The following UNC5D variants were observed in gnomAD, a reference collection of about 807,000 sequenced individuals.
UNC5D encodes the protein netrin receptor UNC5D.
In UNC5D, 39 loss-of-function variants were observed where a neutral mutation model predicts 105.4. That is an observed-to-expected ratio of 0.37 (90% confidence interval 0.29 to 0.48). The LOEUF is 0.48. UNC5D is among the 20% of genes least tolerant of loss of function. The probability of loss-of-function intolerance (pLI) is 0.98; values close to 1 mark genes in which losing one functional copy is unlikely to be tolerated. For missense variants in UNC5D, 991 were observed against 1,202.4 expected, an observed-to-expected ratio of 0.82 and a Z score of 2.60; for synonymous variants, 452 against 450.4, an observed-to-expected ratio of 1.00 and a Z score of -0.04.
At chr8:35,689,895 A>C (rs1826269924) in intron 7 of UNC5D, among the ~76,000 whole-genome samples, 1 of 152,228 alleles carries the variant, frequency 6.6e-6, no homozygotes, top group African/African-American at 2.4e-5. Context: ...AAGTTGGCAC[A>C]TAAAATTAAC....
intron 11 of UNC5D, among the ~76,000 whole-genome samples, chr8:35,739,329 T>C (rs1461353994): frequency 1.3e-5 from 2 of 152,118 alleles, no homozygotes; most frequent in East Asian, 1.9e-4. Context: ...GAGGAAGAGA[T>C]AGAAAAGGGG....
At chr8:35,510,924 T>C (rs534165888) in intron 1 of UNC5D, among the ~76,000 whole-genome samples, 1 of 152,280 alleles carries the variant, frequency 6.6e-6, no homozygotes, top group African/African-American at 2.4e-5. Context: ...ACAGTAAAAT[T>C]TACTAATTTG....
At chr8:35,352,936 G>C (rs1039330983) in intron 1 of UNC5D, among the ~76,000 whole-genome samples, 4 of 152,034 alleles carry the variant, frequency 2.6e-5, no homozygotes, top group African/African-American at 9.7e-5. Context: ...CTTAATAATG[G>C]CACCTGACCG....
intron 1 of UNC5D, among the ~76,000 whole-genome samples, chr8:35,535,086 C>T (rs971830310): frequency 2.0e-5 from 3 of 152,036 alleles, no homozygotes; most frequent in Admixed American, 2.0e-4. Context: ...AGGTCATTAC[C>T]CATCTCCTGA....
At chr8:35,579,010 C>A (rs1313424820) in intron 3 of UNC5D, among the ~76,000 whole-genome samples, 1 of 152,140 alleles carries the variant, frequency 6.6e-6, no homozygotes, top group Non-Finnish European at 1.5e-5. Context: ...GTGAAATTCA[C>A]CTTAAAAGTT....
intron 12 of UNC5D, among the ~76,000 whole-genome samples, chr8:35,749,087 C>G (rs116009373): frequency 0.038 from 5,776 of 152,184 alleles, 263 homozygotes; most frequent in African/African-American, 0.11. Context: ...AAGAAAATAA[C>G]TATGTCTGTT....
intron 1 of UNC5D, among the ~76,000 whole-genome samples, chr8:35,336,645 C>T (rs905253754): frequency 6.6e-6 from 1 of 152,118 alleles, no homozygotes; most frequent in Admixed American, 6.6e-5. Context: ...TCCCTCCCTC[C>T]AAGTCTGCTT....
At chr8:35,366,100 G>C (rs1006061611) in intron 1 of UNC5D, among the ~76,000 whole-genome samples, 2 of 152,104 alleles carry the variant, frequency 1.3e-5, no homozygotes, top group Non-Finnish European at 2.9e-5. Flanking sequence ...AAGAAGAGGT[G>C]ATCCCATATG....
intron 1 of UNC5D, among the ~76,000 whole-genome samples, chr8:35,490,971 C>CT (rs988415984): frequency 4.0e-5 from 6 of 150,528 alleles, no homozygotes; most frequent in East Asian, 3.9e-4. Context: ...TCCTAGTTTG[C>CT]TTTTTTTTTC....
At chr8:35,544,884 TG>T (rs1815538679) in intron 1 of UNC5D, among the ~76,000 whole-genome samples, 1 of 152,150 alleles carries the variant, frequency 6.6e-6, no homozygotes, top group Admixed American at 6.5e-5. Flanking sequence ...ATTACAGGCA[TG>T]AGCCACAGCA....
chr8:35,310,343 G>A (rs981297994), intron 1 of UNC5D, among the ~76,000 whole-genome samples: 7 of 152,268 alleles, frequency 4.6e-5, no homozygotes, highest in Non-Finnish European at 8.8e-5. Context: ...AATTTAGGCT[G>A]GGAGCGGTGG....
intron 14 of UNC5D, 144 bp downstream of exon 14, chr8:35,759,613 T>C: frequency 3.2e-6 from 3 of 944,670 alleles, no homozygotes; most frequent in Non-Finnish European, 3.2e-6. Context: ...TGTAACAGTT[T>C]GGACTACACA....
At chr8:35,515,151 G>T (rs1813026451) in intron 1 of UNC5D, among the ~76,000 whole-genome samples, 1 of 152,158 alleles carries the variant, frequency 6.6e-6, no homozygotes, top group Non-Finnish European at 1.5e-5. Flanking sequence ...CCTTTATGTT[G>T]TAACTGTTTT....
chr8:35,513,866 C>G (rs1812940468), intron 1 of UNC5D, among the ~76,000 whole-genome samples: 1 of 152,188 alleles, frequency 6.6e-6, no homozygotes, highest in Non-Finnish European at 1.5e-5. Flanking sequence ...CTTTCTAAAA[C>G]CAAATGATGC....
At chr8:35,424,008 C>G (rs1229252716) in intron 1 of UNC5D, among the ~76,000 whole-genome samples, 1 of 152,008 alleles carries the variant, frequency 6.6e-6, no homozygotes, top group Non-Finnish European at 1.5e-5. Context: ...CTATGTTGCC[C>G]CAACTGGTCT....
At chr8:35,639,414 G>T (rs1250659699) in intron 4 of UNC5D, among the ~76,000 whole-genome samples, 1 of 152,180 alleles carries the variant, frequency 6.6e-6, no homozygotes, top group African/African-American at 2.4e-5. Context: ...CAAGATAGAA[G>T]AGTAATCATA....
At chr8:35,779,202 T>A (rs935991951) in intron 16 of UNC5D, among the ~76,000 whole-genome samples, 1 of 152,154 alleles carries the variant, frequency 6.6e-6, no homozygotes, top group Non-Finnish European at 1.5e-5. Flanking sequence ...AACTGCGAAA[T>A]AACGAATTGG....
At chr8:35,635,544 T>A (rs995587252) in intron 4 of UNC5D, among the ~76,000 whole-genome samples, 1 of 152,118 alleles carries the variant, frequency 6.6e-6, no homozygotes, top group Non-Finnish European at 1.5e-5. Context: ...GAAAACATGA[T>A]AATGCTCCTT....
chr8:35,712,164 G>A (rs1220396903), intron 8 of UNC5D, among the ~76,000 whole-genome samples: 3 of 147,246 alleles, frequency 2.0e-5, no homozygotes, highest in Non-Finnish European at 3.1e-5. Context: ...CCAGCTACTC[G>A]GGAGGCTGAG....
Sources: gnomAD v4.1 joint callset for allele counts (sites outside exome capture counted in the v4.1 genomes callset) on GRCh38, gnomAD v4.1.1 for gene constraint, MANE v1.5 for transcripts, NCBI Gene and HGNC (gene_info 2026-07-23, HGNC 2026-07-21) for gene names.